Variants in EYA1 observed in about 807,000 individuals in gnomAD.
EYA1 encodes protein phosphatase EYA1.
EYA1 carries 16 observed loss-of-function variants against 82.0 expected under a neutral mutation model. That is an observed-to-expected ratio of 0.20 (90% CI 0.13 to 0.30). The LOEUF is 0.30. Ranked by LOEUF, EYA1 falls within the 10% of genes least tolerant of loss-of-function variation. The probability of loss-of-function intolerance (pLI) is 1.00; values close to 1 mark genes in which losing one functional copy is unlikely to be tolerated. For missense variants in EYA1, 633 were observed against 730.7 expected, an observed-to-expected ratio of 0.87 and a Z score of 1.54; for synonymous variants, 261 against 264.4, an observed-to-expected ratio of 0.99 and a Z score of 0.12.
chr8:71,542,565 T>C (rs917332110), intron 1 of EYA1, among the ~76,000 whole-genome samples: 1 of 152,238 alleles, frequency 6.6e-6, no homozygotes, highest in Non-Finnish European at 1.5e-5. Flanking sequence ...TTACATTCTC[T>C]TGGGTATATT....
chr8:71,299,977 A>G (rs1015242530), intron 7 of EYA1, among the ~76,000 whole-genome samples: 2 of 152,226 alleles, frequency 1.3e-5, no homozygotes, highest in Non-Finnish European at 2.9e-5. Flanking sequence ...ACATTTGTGT[A>G]AAAATATTAG....
chr8:71,478,570 A>C (rs572559601), intron 2 of EYA1, among the ~76,000 whole-genome samples: 1 of 152,278 alleles, frequency 6.6e-6, no homozygotes, highest in African/African-American at 2.4e-5. Flanking sequence ...TTCTTCAAAG[A>C]CCTCTACCTG....
intron 7 of EYA1, among the ~76,000 whole-genome samples, chr8:71,310,145 C>T (rs1041653751): frequency 9.2e-5 from 14 of 152,178 alleles, no homozygotes; most frequent in South Asian, 4.1e-4. Context: ...TTCTATACCA[C>T]CATCGTGATG....
At chr8:71,428,780 G>T (rs1268350660) in intron 2 of EYA1, among the ~76,000 whole-genome samples, 3 of 152,068 alleles carry the variant, frequency 2.0e-5, no homozygotes, top group Non-Finnish European at 4.4e-5. Flanking sequence ...AGTTCAGCAT[G>T]TGACTTAAAA....
intron 11 of EYA1, among the ~76,000 whole-genome samples, chr8:71,251,190 T>G (rs1052868610): frequency 2.0e-5 from 3 of 152,210 alleles, no homozygotes; most frequent in Non-Finnish European, 4.4e-5. Context: ...ATTACACCAT[T>G]TTGTAAAATA....
chr8:71,350,911 AG>A (rs1033550045), intron 3 of EYA1, among the ~76,000 whole-genome samples: 1 of 152,194 alleles, frequency 6.6e-6, no homozygotes, highest in Admixed American at 6.5e-5. Flanking sequence ...AAATCCTTTT[AG>A]GGCCACAGCC....
intron 11 of EYA1, among the ~76,000 whole-genome samples, chr8:71,256,820 T>C (rs1814482967): frequency 6.6e-6 from 1 of 152,030 alleles, no homozygotes; most frequent in African/African-American, 2.4e-5. Flanking sequence ...ACCAACGTGG[T>C]GAAACCCTGT....
At chr8:71,319,412 G>A (rs1221405439) in intron 6 of EYA1, among the ~76,000 whole-genome samples, 2 of 152,184 alleles carry the variant, frequency 1.3e-5, no homozygotes, top group Non-Finnish European at 2.9e-5. Context: ...TTACAGGTGT[G>A]AGCCACTGCG....
intron 2 of EYA1, among the ~76,000 whole-genome samples, chr8:71,483,172 G>A (rs1172404599): frequency 6.6e-6 from 1 of 152,176 alleles, no homozygotes; most frequent in Non-Finnish European, 1.5e-5. Context: ...CCTTGCTGCT[G>A]CTAAAACATT....
In EYA1 at chr8:71,289,078, A is replaced by C. The variant is rs142533843; in HGVS notation, c.826+9969T>G. On this transcript the variant is annotated intron_variant, in intron 9 of 17. Transcript: ENST00000340726. ...TGAGCTGCCATTTGAGTTATTTAAA[A>C]TTTTTTTTAAAAGATAAAGAAAAAA... Among the ~76,000 whole-genome samples, 271 of 152,154 alleles carry C rather than the reference A, an allele frequency of 1.8e-3. 1 individual carries two copies. The highest frequency in any genetic ancestry group is 3.4e-3 in the Admixed American group (52 of 15,278).
chr8:71,285,082 C>T (rs1030538132), intron 9 of EYA1, among the ~76,000 whole-genome samples: 2 of 152,210 alleles, frequency 1.3e-5, no homozygotes, highest in African/African-American at 4.8e-5. Context: ...GTAAGAGATG[C>T]TCAATGGCTG....
chr8:71,420,372 C>A (rs1429206839), intron 2 of EYA1, among the ~76,000 whole-genome samples: 4 of 152,098 alleles, frequency 2.6e-5, no homozygotes, highest in African/African-American at 9.7e-5. Flanking sequence ...CACATTTAAA[C>A]AACCTAGGAT....
chr8:71,391,198 G>C (rs1437839986), intron 2 of EYA1, among the ~76,000 whole-genome samples: 1 of 152,084 alleles, frequency 6.6e-6, no homozygotes, highest in East Asian at 1.9e-4. Context: ...GGCCAGGCTG[G>C]TTTTGAACTC....
intron 2 of EYA1, among the ~76,000 whole-genome samples, chr8:71,479,224 G>A (rs1809914086): frequency 6.6e-6 from 1 of 152,042 alleles, no homozygotes; most frequent in African/African-American, 2.4e-5. Context: ...CTTTGCACCA[G>A]CTGTTCCATG....
At chr8:71,274,373 C>T (rs1394021101) in intron 9 of EYA1, among the ~76,000 whole-genome samples, 1 of 152,166 alleles carries the variant, frequency 6.6e-6, no homozygotes, top group Non-Finnish European at 1.5e-5. Context: ...ACTTCTCCTT[C>T]CTCCTCCTAG....
chr8:71,471,722 C>T (rs1276570968), intron 2 of EYA1, among the ~76,000 whole-genome samples: 2 of 152,062 alleles, frequency 1.3e-5, no homozygotes, highest in East Asian at 1.9e-4. Flanking sequence ...AAGTGATTTT[C>T]CCCTGATATT....
At chr8:71,476,853 A>G (rs6991921) in intron 2 of EYA1, among the ~76,000 whole-genome samples, 35,585 of 152,048 alleles carry the variant, frequency 0.23, 4,482 homozygotes, top group South Asian at 0.39. Flanking sequence ...AATACAAAAA[A>G]GTGTTGTACT....
At chr8:71,402,516 A>G (rs1830011735) in intron 2 of EYA1, among the ~76,000 whole-genome samples, 1 of 152,238 alleles carries the variant, frequency 6.6e-6, no homozygotes, top group East Asian at 1.9e-4. Context: ...TTAATATTCT[A>G]AAGTTATTTT....
chr8:71,447,304 C>T (rs1413651519), intron 2 of EYA1, among the ~76,000 whole-genome samples: 1 of 151,808 alleles, frequency 6.6e-6, no homozygotes, highest in African/African-American at 2.4e-5. Context: ...TTTTTTAAGT[C>T]TGAAATATAG....
Sources: allele counts gnomAD v4.1 joint callset (sites outside exome capture counted in the v4.1 genomes callset), GRCh38; gene constraint gnomAD v4.1.1; transcripts MANE v1.5; gene names NCBI Gene and HGNC (gene_info 2026-07-23, HGNC 2026-07-21).